RNF150: variants seen among roughly 807,000 people sequenced by gnomAD.
RNF150 encodes ring finger protein 150.
RNF150 carries 24 observed loss-of-function variants against 39.3 expected under a neutral mutation model. The observed-to-expected ratio is 0.61, with a 90% CI of 0.44 to 0.86. The LOEUF is 0.86. Among genes scored for constraint, RNF150 ranks in the 40% least tolerant of loss-of-function variants. The probability of loss-of-function intolerance (pLI) is 0.00; values close to 1 mark genes in which losing one functional copy is unlikely to be tolerated. For missense variants in RNF150, 502 were observed against 587.8 expected (o/e 0.85, Z 1.51); for synonymous variants, 255 against 227.3 (o/e 1.12, Z -1.10).
chr4:141,018,499 A>G (rs1432817171), intron 1 of RNF150, among the ~76,000 whole-genome samples: 1 of 152,162 alleles, frequency 6.6e-6, no homozygotes, highest in Non-Finnish European at 1.5e-5. Flanking sequence ...TTCAGCATGG[A>G]TGGTTATAAC....
At chr4:141,036,738 T>C (rs1465355979) in intron 1 of RNF150, among the ~76,000 whole-genome samples, 1 of 152,146 alleles carries the variant, frequency 6.6e-6, no homozygotes. Context: ...AAATCCTAAC[T>C]GCAACATATG....
At chr4:141,076,506 T>C (rs972778) in intron 1 of RNF150, among the ~76,000 whole-genome samples, 114,382 of 151,310 alleles carry the variant, frequency 0.76, 44,727 homozygotes, top group Non-Finnish European at 0.87. Context: ...CAGAATAATG[T>C]AAGGCTCAAG....
intron 1 of RNF150, among the ~76,000 whole-genome samples, chr4:140,968,127 G>A (rs1459764833): frequency 6.6e-6 from 1 of 152,046 alleles, no homozygotes; most frequent in Non-Finnish European, 1.5e-5. Context: ...TAGTACCAGT[G>A]AAGTCATAAT....
chr4:141,015,385 A>G (rs998326889), intron 1 of RNF150, among the ~76,000 whole-genome samples: 1 of 152,214 alleles, frequency 6.6e-6, no homozygotes, highest in African/African-American at 2.4e-5. Context: ...TCCAATCTAT[A>G]AACACGGGAT....
At chr4:140,935,638 A>T (rs1731836390) in intron 4 of RNF150, among the ~76,000 whole-genome samples, 1 of 152,202 alleles carries the variant, frequency 6.6e-6, no homozygotes, top group Admixed American at 6.5e-5. Flanking sequence ...GTACACATAA[A>T]AATCTGAAGT....
intron 1 of RNF150, among the ~76,000 whole-genome samples, chr4:141,140,296 T>C (rs2111124700): frequency 6.6e-6 from 1 of 152,338 alleles, no homozygotes; most frequent in South Asian, 2.1e-4. Context: ...CTTTGAATTA[T>C]CAAGTGACTT....
At chr4:141,169,944 T>C (rs1391164142) in intron 1 of RNF150, among the ~76,000 whole-genome samples, 1 of 152,114 alleles carries the variant, frequency 6.6e-6, no homozygotes, top group Non-Finnish European at 1.5e-5. Flanking sequence ...AGTCTAGAAA[T>C]CCCAAGAAGA....
At chr4:140,899,883 GGTGA>G (rs1431308127) in intron 6 of RNF150, among the ~76,000 whole-genome samples, 1 of 150,912 alleles carries the variant, frequency 6.6e-6, no homozygotes, top group East Asian at 2.0e-4. Context: ...AGAAGAAGCT[GGTGA>G]GTGAGTTAGA....
Position 140,862,443 on chromosome 4 carries a change from A to G in RNF150, c.*5818T>C, listed in dbSNP as rs1029631431. The G allele has an allele frequency of 3.3e-5, 5 of 152,034 alleles. No homozygotes were observed. Among genetic ancestry groups the G allele is most frequent in the Admixed American group, 6.5e-5 (1 of 15,278 alleles). The allele number at this position is 152,034 out of a possible 1,614,324, so 9.4% of individuals were successfully genotyped here. A position where few individuals can be genotyped will look rare whatever the true frequency, so the allele number is the denominator to read the frequency against. On this transcript the variant is annotated 3_prime_UTR_variant, in exon 7 of 7. Coordinates refer to ENST00000515673, the MANE Select transcript of RNF150 (RefSeq NM_020724.2). ...GTGACTGACCTTAGCAGGTTCTTGT[A>G]GAACAAGCAGGATTGCAATCAAATT...
rs544564162 is a variant in RNF150 at position 140,927,841 on chromosome 4, G to A, written c.891-1768C>T. On this transcript the variant is annotated intron_variant, in intron 4 of 6. Coordinates refer to ENST00000515673, the MANE Select transcript of RNF150 (RefSeq NM_020724.2). The stretch of plus-strand genomic sequence containing the variant: ...TTTTTGTATTTTTAGTAGAGACGGG[G>A]TTTTGCCATGTTGGCCGGGCTGGTC... Among the ~76,000 whole-genome samples the A allele has an allele frequency of 1.1e-4, 16 of 151,742 alleles. 1 individual carries two copies. The highest frequency in any genetic ancestry group is 8.5e-4 in the Admixed American group (13 of 15,268).
At chr4:141,148,043 A>G (rs1432980996) in intron 1 of RNF150, among the ~76,000 whole-genome samples, 1 of 152,156 alleles carries the variant, frequency 6.6e-6, no homozygotes, top group Non-Finnish European at 1.5e-5. Context: ...TTTAGGATAT[A>G]TTATAATAAT....
intron 1 of RNF150, among the ~76,000 whole-genome samples, chr4:141,056,465 G>A (rs891696544): frequency 6.6e-6 from 1 of 152,068 alleles, no homozygotes. Context: ...GGTGTGAGGG[G>A]CAGGGGTGTG....
intron 4 of RNF150, among the ~76,000 whole-genome samples, chr4:140,947,442 T>C (rs1345219836): frequency 2.0e-5 from 3 of 152,092 alleles, no homozygotes; most frequent in African/African-American, 7.2e-5. Context: ...GCAAAGGGGA[T>C]AGGGGATCAG....
In RNF150 at chr4:141,014,176, C is replaced by T. The variant is rs557424233; in HGVS notation, c.485-46303G>A. Among the ~76,000 whole-genome samples the T allele has an allele frequency of 7.2e-4, 109 of 152,292 alleles. 1 individual carries two copies. The highest frequency in any genetic ancestry group is 1.9e-3 in the African/African-American group (78 of 41,558). On this transcript the variant is annotated intron_variant, in intron 1 of 6. Coordinates refer to ENST00000515673, the MANE Select transcript of RNF150 (RefSeq NM_020724.2). The stretch of plus-strand genomic sequence containing the variant: ...TGCAAGTAACAGGATTCCCACTCCC[C>T]CTTTAATGCTGAAAAGTATGCCATT...
intron 1 of RNF150, among the ~76,000 whole-genome samples, chr4:141,000,074 GAAGAAGAAGAAGGAGA>G (rs1340339345): frequency 1.5e-4 from 12 of 79,514 alleles, no homozygotes; most frequent in African/African-American, 5.6e-4. Flanking sequence ...AGAAGAAGAA[GAAGAAGAAGAAGGAGA>G]AGAAGAAGAA....
chr4:141,203,869 G>GA (rs1011580135), intron 1 of RNF150, among the ~76,000 whole-genome samples: 19 of 148,132 alleles, frequency 1.3e-4, no homozygotes, highest in East Asian at 2.0e-4. Flanking sequence ...GCACAGTGAA[G>GA]AAAAAAAAAA....
At chr4:141,021,945 A>G (rs958786426) in intron 1 of RNF150, among the ~76,000 whole-genome samples, 2 of 152,212 alleles carry the variant, frequency 1.3e-5, no homozygotes, top group African/African-American at 4.8e-5. Context: ...TAATCCACAC[A>G]GCTTGCTTGC....
intron 5 of RNF150, among the ~76,000 whole-genome samples, chr4:140,917,625 G>T (rs999173689): frequency 3.3e-5 from 5 of 152,178 alleles, no homozygotes; most frequent in Admixed American, 3.3e-4. Context: ...ACATTAGACA[G>T]ATCAACGAGA....
Position 141,050,586 on chromosome 4 carries a change from C to G in RNF150, c.484+81739G>C, listed in dbSNP as rs190758752. Among the ~76,000 whole-genome samples, 11 of 152,244 alleles carry G rather than the reference C, an allele frequency of 7.2e-5. No homozygotes were observed. The East Asian group carries it at 1.9e-3, about 27-fold the overall frequency. ...GGCCAAAATGAAGGGGCTACAGACC[C>G]CATGCAAGTCTGAAATCCAGCAGGG... On this transcript the variant is annotated intron_variant, in intron 1 of 6. Coordinates refer to ENST00000515673, the MANE Select transcript of RNF150 (RefSeq NM_020724.2).
Sources: gnomAD v4.1 joint callset for allele counts (sites outside exome capture counted in the v4.1 genomes callset) on GRCh38, gnomAD v4.1.1 for gene constraint, MANE v1.5 for transcripts, NCBI Gene and HGNC (gene_info 2026-07-23, HGNC 2026-07-21) for gene names.